KCNMA1: variants seen among roughly 807,000 people sequenced by gnomAD.
KCNMA1 encodes potassium calcium-activated channel subfamily M alpha 1, also known as Calcium-activated potassium channel subunit alpha-1.
Under a neutral mutation model 140.0 loss-of-function variants are expected in KCNMA1, and 29 were observed. The ratio of observed to expected loss-of-function variants is 0.21; its 90% CI spans 0.15 to 0.28. KCNMA1 has a LOEUF of 0.28. Among genes scored for constraint, KCNMA1 ranks in the 10% least tolerant of loss-of-function variants. The pLI is 1.00. For synonymous variants in KCNMA1, 612 were observed against 611.9 expected, an observed-to-expected ratio of 1.00 and a Z score of 0.00; for missense variants, 880 against 1,602.2, an observed-to-expected ratio of 0.55 and a Z score of 7.70.
intron 1 of KCNMA1, among the ~76,000 whole-genome samples, chr10:77,536,573 G>A (rs944545849): frequency 2.0e-5 from 3 of 152,122 alleles, no homozygotes; most frequent in South Asian, 2.1e-4. Flanking sequence ...CATTAGGTAC[G>A]TTGACTGCCT....
At chr10:77,052,825 C>A (rs2095417760) in intron 14 of KCNMA1, among the ~76,000 whole-genome samples, 1 of 152,056 alleles carries the variant, frequency 6.6e-6, no homozygotes, top group South Asian at 2.1e-4. Context: ...GTCAAGCAGA[C>A]CCATGCTTTT....
chr10:76,987,400 TC>T (rs1407884448), intron 19 of KCNMA1, among the ~76,000 whole-genome samples: 1 of 152,196 alleles, frequency 6.6e-6, no homozygotes, highest in Non-Finnish European at 1.5e-5. Context: ...AGCTGTACCT[TC>T]ACAGCAGAGG....
chr10:77,634,006 C>T (rs2093479353), intron 1 of KCNMA1: 1 of 298,068 alleles, frequency 3.4e-6, no homozygotes, highest in Non-Finnish European at 5.0e-6. Flanking sequence ...CAACTCCTCC[C>T]TCTCTCCTAT....
intron 1 of KCNMA1, among the ~76,000 whole-genome samples, chr10:77,464,587 A>G (rs1311087853): frequency 1.3e-5 from 2 of 152,170 alleles, no homozygotes; most frequent in Non-Finnish European, 2.9e-5. Flanking sequence ...GGGACATTCA[A>G]TATCACTACT....
chr10:76,941,096 AAAGAAGGG>A (rs1428624316), intron 23 of KCNMA1, among the ~76,000 whole-genome samples: 7 of 92,984 alleles, frequency 7.5e-5, no homozygotes, highest in African/African-American at 3.0e-4. Flanking sequence ...AGAAAGAAAG[AAAGAAGGG>A]AGGGAGGGAG....
chr10:77,041,937 T>C (rs1409691894), intron 14 of KCNMA1, among the ~76,000 whole-genome samples: 1 of 152,172 alleles, frequency 6.6e-6, no homozygotes, highest in East Asian at 1.9e-4. Flanking sequence ...ACACCTACCA[T>C]CTACTTGGTG....
chr10:77,060,287 C>G (rs943911739), intron 14 of KCNMA1, among the ~76,000 whole-genome samples: 19 of 152,174 alleles, frequency 1.2e-4, no homozygotes, highest in African/African-American at 4.6e-4. Flanking sequence ...TTGGAGGACT[C>G]AAACTTTGTA....
At position 77,591,200 on chromosome 10, in the gene KCNMA1, A is replaced by T. The variant is rs1486461342; in HGVS notation, c.378+46065T>A. Among the ~76,000 whole-genome samples the T allele has an allele frequency of 2.6e-5, 4 of 152,176 alleles. No homozygotes were observed. The East Asian group carries it at 7.7e-4, about 29-fold the overall frequency. The stretch of plus-strand genomic sequence containing the variant: ...GGGGGCTCAGACTCCCCTGGCCAAG[A>T]TCACTCATGTACCAAGAGGATTGGA... On this transcript the variant is annotated intron_variant, in intron 1 of 27. Transcript: ENST00000286628.
intron 5 of KCNMA1, among the ~76,000 whole-genome samples, chr10:77,168,680 A>G (rs1295035329): frequency 6.6e-6 from 1 of 152,240 alleles, no homozygotes; most frequent in Admixed American, 6.5e-5. Flanking sequence ...AATAACAATA[A>G]CAAGAGCAAA....
At chr10:77,332,472 T>C (rs565966770) in intron 2 of KCNMA1, among the ~76,000 whole-genome samples, 1 of 152,302 alleles carries the variant, frequency 6.6e-6, no homozygotes, top group South Asian at 2.1e-4. Context: ...GTTCTGCCCA[T>C]GGATCATTGA....
intron 2 of KCNMA1, among the ~76,000 whole-genome samples, chr10:77,290,647 A>G (rs774677736): frequency 1.3e-5 from 2 of 152,204 alleles, no homozygotes; most frequent in Non-Finnish European, 2.9e-5. Context: ...CTCAAAACCA[A>G]AAGTACTCAG....
intron 1 of KCNMA1, chr10:77,634,292 T>A (rs963280616): frequency 1.0e-6 from 1 of 985,348 alleles, no homozygotes; most frequent in Non-Finnish European, 1.2e-6. Flanking sequence ...CTGGAATGAC[T>A]GTGACCAAGT....
At chr10:77,330,978 A>G (rs1196356834) in intron 2 of KCNMA1, among the ~76,000 whole-genome samples, 1 of 152,120 alleles carries the variant, frequency 6.6e-6, no homozygotes, top group Non-Finnish European at 1.5e-5. Flanking sequence ...TCCTATTGTT[A>G]TTATTACTAT....
At chr10:77,601,368 AC>A (rs2082578718) in intron 1 of KCNMA1, among the ~76,000 whole-genome samples, 2 of 152,140 alleles carry the variant, frequency 1.3e-5, no homozygotes. Context: ...ATACAATTGA[AC>A]CTATCTTCAA....
chr10:77,036,952 T>A (rs992875696), intron 15 of KCNMA1, among the ~76,000 whole-genome samples: 1 of 152,370 alleles, frequency 6.6e-6, no homozygotes, highest in African/African-American at 2.4e-5. Flanking sequence ...TTTCTACCTC[T>A]GCTGTATCAT....
intron 1 of KCNMA1, among the ~76,000 whole-genome samples, chr10:77,421,115 C>T (rs1016960572): frequency 6.6e-6 from 1 of 152,264 alleles, no homozygotes; most frequent in African/African-American, 2.4e-5. Flanking sequence ...CTCTTGGCCT[C>T]ACCTCCCTTA....
intron 2 of KCNMA1, among the ~76,000 whole-genome samples, chr10:77,337,712 A>G (rs964360788): frequency 3.9e-5 from 6 of 152,186 alleles, no homozygotes; most frequent in Admixed American, 3.3e-4. Flanking sequence ...CTGTTGACAA[A>G]TATTTCCTGC....
chr10:76,989,853 A>C (rs2153317659), intron 19 of KCNMA1, among the ~76,000 whole-genome samples: 1 of 150,066 alleles, frequency 6.7e-6, no homozygotes, highest in African/African-American at 2.4e-5. Flanking sequence ...GCTTATCATT[A>C]TTATTTCCAT....
intron 1 of KCNMA1, among the ~76,000 whole-genome samples, chr10:77,482,220 C>T (rs538249846): frequency 1.3e-5 from 2 of 152,368 alleles, no homozygotes; most frequent in South Asian, 4.1e-4. Context: ...AGGGCAGCAG[C>T]TGGCCAAGGA....
Sources: allele counts gnomAD v4.1 joint callset (sites outside exome capture counted in the v4.1 genomes callset), GRCh38; gene constraint gnomAD v4.1.1; transcripts MANE v1.5; gene names NCBI Gene and HGNC (gene_info 2026-07-23, HGNC 2026-07-21).